The following PDE7B variants were observed in gnomAD, a reference collection of about 807,000 sequenced individuals.
PDE7B encodes the protein 3',5'-cyclic-AMP phosphodiesterase 7B.
PDE7B carries 29 observed loss-of-function variants against 56.2 expected under a neutral mutation model. The observed-to-expected ratio is 0.52, with a 90% confidence interval of 0.38 to 0.70. The LOEUF is 0.70. PDE7B is among the 30% of genes least tolerant of loss of function. PDE7B has a pLI of 0.00. For missense variants in PDE7B, 490 were observed against 565.0 expected (o/e 0.87, Z 1.35); for synonymous variants, 197 against 196.9 (o/e 1.00, Z 0.00).
intron 2 of PDE7B, among the ~76,000 whole-genome samples, chr6:136,019,764 T>C (rs1312746950): frequency 1.3e-5 from 2 of 152,218 alleles, no homozygotes; most frequent in Non-Finnish European, 2.9e-5. Context: ...ACTGTATTCT[T>C]ACAATAAAGT....
At position 136,195,325 on chromosome 6, in the gene PDE7B, C is replaced by T. The variant is rs1199240544; in HGVS notation, c.*3485C>T. The T allele has an allele frequency of 6.6e-6, 1 of 151,950 alleles. No homozygotes were observed. Among genetic ancestry groups the T allele is most frequent in the African/African-American group, 2.4e-5 (1 of 41,354 alleles). 9.4% of individuals were successfully genotyped at this position (151,950 alleles called of 1,614,324 possible). A position where few individuals can be genotyped will look rare whatever the true frequency, so the allele number is the denominator to read the frequency against. On this transcript the variant is annotated 3_prime_UTR_variant, in exon 13 of 13. Coordinates refer to ENST00000308191, the MANE Select transcript of PDE7B (RefSeq NM_018945.4). ...ACTAGGTCTTGTTTTGTAATCTTTT[C>T]TCGTGTTGAATCAGATCTGCTTACT...
chr6:136,124,795 G>A (rs892362022), intron 3 of PDE7B, among the ~76,000 whole-genome samples: 1 of 152,118 alleles, frequency 6.6e-6, no homozygotes, highest in South Asian at 2.1e-4. Context: ...TATGGATGGC[G>A]TATTTTATTT....
chr6:136,131,828 T>C (rs1778124251), intron 3 of PDE7B, among the ~76,000 whole-genome samples: 1 of 152,176 alleles, frequency 6.6e-6, no homozygotes, highest in African/African-American at 2.4e-5. Flanking sequence ...ATGAAGTTAT[T>C]TCTCTAGGTG....
At chr6:135,889,202 G>A (rs1243189414) in intron 1 of PDE7B, among the ~76,000 whole-genome samples, 2 of 152,108 alleles carry the variant, frequency 1.3e-5, no homozygotes, top group Non-Finnish European at 2.9e-5. Context: ...CCAGGCCTAT[G>A]TTAGAGTATA....
intron 2 of PDE7B, among the ~76,000 whole-genome samples, chr6:136,066,510 A>G (rs1471644624): frequency 6.6e-6 from 1 of 152,264 alleles, no homozygotes; most frequent in African/African-American, 2.4e-5. Context: ...ATCTTTGAAT[A>G]AGTTAATGAA....
chr6:136,141,220 T>C (rs1340846065), intron 3 of PDE7B, among the ~76,000 whole-genome samples: 2 of 152,220 alleles, frequency 1.3e-5, no homozygotes, highest in African/African-American at 4.8e-5. Flanking sequence ...TCTATTGAGA[T>C]AATCATGTAG....
chr6:135,874,447 T>C (rs1037956058), intron 1 of PDE7B, among the ~76,000 whole-genome samples: 9 of 152,224 alleles, frequency 5.9e-5, no homozygotes, highest in Non-Finnish European at 1.0e-4. Context: ...GGTCCATTTC[T>C]AAATATTTTA....
chr6:136,184,471 A>G (rs1779114488), intron 11 of PDE7B, among the ~76,000 whole-genome samples: 1 of 152,240 alleles, frequency 6.6e-6, no homozygotes, highest in Admixed American at 6.5e-5. Context: ...TAAATAAAAA[A>G]TAGAGTTCCT....
intron 12 of PDE7B, among the ~76,000 whole-genome samples, chr6:136,188,396 G>T (rs535020983): frequency 5.3e-4 from 80 of 152,264 alleles, no homozygotes; most frequent in African/African-American, 1.9e-3. Context: ...ATACAGAGTT[G>T]CTGGGTGGCT....
At chr6:136,015,315 G>A (rs1453978947) in intron 2 of PDE7B, among the ~76,000 whole-genome samples, 3 of 152,140 alleles carry the variant, frequency 2.0e-5, no homozygotes, top group Admixed American at 6.5e-5. Flanking sequence ...AATTGTCAGC[G>A]GATATAACCC....
intron 2 of PDE7B, among the ~76,000 whole-genome samples, chr6:136,056,287 G>A (rs986629302): frequency 1.6e-4 from 25 of 152,150 alleles, no homozygotes; most frequent in African/African-American, 6.0e-4. Context: ...TTTAATTAAG[G>A]GCCAGCCAAG....
chr6:135,928,513 ATT>A (rs1434329761), intron 1 of PDE7B, among the ~76,000 whole-genome samples: 4 of 126,156 alleles, frequency 3.2e-5, no homozygotes, highest in African/African-American at 8.3e-5. Flanking sequence ...ATATATATAT[ATT>A]TATTTATATA....
At chr6:135,934,780 TTA>T (rs1373588009) in intron 1 of PDE7B, among the ~76,000 whole-genome samples, 2 of 118,470 alleles carry the variant, frequency 1.7e-5, no homozygotes, top group African/African-American at 6.6e-5. Context: ...TATATATTTA[TTA>T]TATATATATT....
intron 4 of PDE7B, 83 bp downstream of exon 4, chr6:136,147,585 T>C: frequency 1.7e-6 from 2 of 1,164,758 alleles, no homozygotes; most frequent in Non-Finnish European, 2.5e-6. Context: ...GTTGGAGTCC[T>C]ACTCTGCCTC....
intron 3 of PDE7B, chr6:136,111,066 C>T (rs1777739161): frequency 6.6e-6 from 1 of 152,152 alleles, no homozygotes; most frequent in South Asian, 2.1e-4. Flanking sequence ...CCTCAGCATT[C>T]CATTCCGGAT....
chr6:136,098,351 A>T (rs116180726), intron 2 of PDE7B, among the ~76,000 whole-genome samples: 3 of 152,286 alleles, frequency 2.0e-5, no homozygotes, highest in African/African-American at 7.2e-5. Context: ...GAGCATTATT[A>T]ATTTAAATTG....
chr6:135,950,796 GT>G (rs1467309451), intron 2 of PDE7B, among the ~76,000 whole-genome samples: 2 of 152,074 alleles, frequency 1.3e-5, no homozygotes, highest in African/African-American at 4.8e-5. Context: ...GAAAAGTACT[GT>G]TTTTATGCTT....
intron 2 of PDE7B, among the ~76,000 whole-genome samples, chr6:135,987,046 A>G (rs1172018543): frequency 1.3e-5 from 2 of 152,216 alleles, no homozygotes; most frequent in Non-Finnish European, 2.9e-5. Flanking sequence ...GAGGGTGTGT[A>G]TAGACCTCAT....
At position 135,854,003 on chromosome 6, in the gene PDE7B, T is replaced by C. The variant is rs528788997; in HGVS notation, c.21+1984T>C. Among the ~76,000 whole-genome samples, 132 of 152,266 alleles carry C rather than the reference T, an allele frequency of 8.7e-4. 1 individual carries two copies. Among genetic ancestry groups the C allele is most frequent in the African/African-American group, 3.0e-3 (126 of 41,558 alleles). ...TTTGGTGTCAGTCCAGCCTGAAATA[T>C]TATCTAAAAATCAAGTCAATGATAC... On this transcript the variant is annotated intron_variant, in intron 1 of 12. Transcript: ENST00000308191.
Sources: allele counts gnomAD v4.1 joint callset (sites outside exome capture counted in the v4.1 genomes callset), GRCh38; gene constraint gnomAD v4.1.1; transcripts MANE v1.5; gene names NCBI Gene and HGNC (gene_info 2026-07-23, HGNC 2026-07-21).